Variants in APBB2 observed in about 807,000 individuals in gnomAD.
The protein encoded by APBB2 is amyloid beta precursor protein binding family B member 2.
Under a neutral mutation model 82.5 loss-of-function variants are expected in APBB2, and 38 were observed. The ratio of observed to expected loss-of-function variants is 0.46; its 90% CI spans 0.36 to 0.60. The LOEUF is 0.60. Ranked by LOEUF, APBB2 falls within the 20% of genes least tolerant of loss-of-function variation. The pLI is 0.00. For missense variants in APBB2, 772 were observed against 972.3 expected (o/e 0.79, Z 2.74); for synonymous variants, 341 against 368.2 (o/e 0.93, Z 0.85).
intron 17 of APBB2, among the ~76,000 whole-genome samples, chr4:40,820,509 TA>T (rs1747476907): frequency 1.3e-5 from 2 of 151,712 alleles, no homozygotes; most frequent in South Asian, 4.2e-4. Context: ...ACTAAAAATA[TA>T]AAAAATTAGC....
chr4:41,111,077 C>G (rs957431302), intron 2 of APBB2, among the ~76,000 whole-genome samples: 2 of 152,194 alleles, frequency 1.3e-5, no homozygotes, highest in Non-Finnish European at 1.5e-5. Context: ...CTAGATCCCT[C>G]GCATGCACAA....
At chr4:40,825,786 C>T (rs1040839735) in intron 15 of APBB2, 101 bp downstream of exon 15, 66 of 843,526 alleles carry the variant, frequency 7.8e-5, no homozygotes, top group Middle Eastern at 2.2e-4. Flanking sequence ...CAAGACAAGG[C>T]GTGAGAGTAA....
intron 12 of APBB2, among the ~76,000 whole-genome samples, chr4:40,888,436 T>C (rs1770948809): frequency 1.3e-5 from 2 of 152,254 alleles, no homozygotes; most frequent in Non-Finnish European, 2.9e-5. Context: ...ACGCATGGAA[T>C]GTAACAAGCT....
At chr4:40,841,250 A>G (rs911442727) in intron 12 of APBB2, among the ~76,000 whole-genome samples, 4 of 152,174 alleles carry the variant, frequency 2.6e-5, no homozygotes, top group Non-Finnish European at 5.9e-5. Flanking sequence ...CCAGGCAGGG[A>G]GGTTACATGA....
chr4:41,056,967 T>C (rs931995714), intron 4 of APBB2, among the ~76,000 whole-genome samples: 1 of 152,148 alleles, frequency 6.6e-6, no homozygotes, highest in Non-Finnish European at 1.5e-5. Context: ...ATAACTAATA[T>C]GTAACATAAG....
At chr4:41,083,686 CAAAAAAAAAAAAAA>C (rs3058169) in intron 3 of APBB2, among the ~76,000 whole-genome samples, 2 of 68,050 alleles carry the variant, frequency 2.9e-5, no homozygotes, top group African/African-American at 5.7e-5. Context: ...GACTCTGTCT[CAAAAAAAAAAAAAA>C]AAAAAAAAAA....
At chr4:41,129,055 T>C (rs145458462) in intron 2 of APBB2, among the ~76,000 whole-genome samples, 39 of 152,186 alleles carry the variant, frequency 2.6e-4, no homozygotes, top group Non-Finnish European at 5.0e-4. Flanking sequence ...CCTACCCCAG[T>C]GTCCCTCCTC....
intron 1 of APBB2, among the ~76,000 whole-genome samples, chr4:41,147,478 C>A (rs1471151816): frequency 1.4e-5 from 2 of 141,614 alleles, no homozygotes. Flanking sequence ...AATGTTTGGC[C>A]AGCTTTTTTT....
At position 41,014,088 on chromosome 4, in the gene APBB2, A is replaced by G; in HGVS notation, c.330T>C (p.Ala110=). 8 of 1,614,196 alleles carry G rather than the reference A, an allele frequency of 5.0e-6. No homozygotes were observed. The highest frequency in any genetic ancestry group is 6.8e-6 in the Non-Finnish European group (8 of 1,180,024). The change falls in exon 6 of 18, where the codon GCT becomes GCC. Residue 110 remains alanine, a synonymous_variant. Coordinates refer to ENST00000508593, the MANE Select transcript of APBB2 (RefSeq NM_004307.2). The stretch of plus-strand genomic sequence containing the variant: ...TGGGGTCCTGCTGCCCTTGCTCTGC[A>G]GCCTTACGGAGCTGGTTCTCCCCAT... The part of the protein sequence containing the change: ...VKNGENQLRK[A]AEQGQQDPNK...
intron 10 of APBB2, among the ~76,000 whole-genome samples, chr4:40,928,413 C>T (rs979053719): frequency 1.4e-5 from 1 of 70,124 alleles, no homozygotes; most frequent in African/African-American, 5.9e-5. Context: ...CACACACACA[C>T]ACACACACAC....
chr4:40,899,839 C>T (rs1370764848), intron 10 of APBB2, among the ~76,000 whole-genome samples: 1 of 152,064 alleles, frequency 6.6e-6, no homozygotes, highest in Non-Finnish European at 1.5e-5. Context: ...CCAGGTGGGG[C>T]AGGGGATGCA....
chr4:41,049,079 C>T (rs1724613176), intron 4 of APBB2, among the ~76,000 whole-genome samples: 3 of 151,822 alleles, frequency 2.0e-5, no homozygotes, highest in Admixed American at 6.6e-5. Flanking sequence ...TCTGCCCGGC[C>T]GCCACCCCGT....
chr4:41,053,246 G>T (rs1284054879), intron 4 of APBB2, among the ~76,000 whole-genome samples: 5 of 151,882 alleles, frequency 3.3e-5, no homozygotes, highest in Non-Finnish European at 5.9e-5. Context: ...ATGACTTCTA[G>T]TTTTTTTCCC....
At chr4:40,856,020 G>C (rs1761082235) in intron 12 of APBB2, among the ~76,000 whole-genome samples, 1 of 152,212 alleles carries the variant, frequency 6.6e-6, no homozygotes, top group African/African-American at 2.4e-5. Context: ...GAACTTTAGA[G>C]AGAATCTTAC....
chr4:40,828,545 C>T (rs1213942622), intron 13 of APBB2, among the ~76,000 whole-genome samples: 1 of 152,186 alleles, frequency 6.6e-6, no homozygotes, highest in Admixed American at 6.5e-5. Flanking sequence ...GTTCTGAGGG[C>T]TTTATGCCAG....
At chr4:40,957,628 G>A (rs1468223627) in intron 6 of APBB2, among the ~76,000 whole-genome samples, 6 of 150,402 alleles carry the variant, frequency 4.0e-5, no homozygotes, top group South Asian at 2.1e-4. Context: ...TTGTTGCCCC[G>A]GCTGGAGTGC....
At chr4:40,885,388 G>C (rs1180701368) in intron 12 of APBB2, among the ~76,000 whole-genome samples, 1 of 152,232 alleles carries the variant, frequency 6.6e-6, no homozygotes, top group African/African-American at 2.4e-5. Context: ...CTTAGGTAAT[G>C]TCCAGGAAGA....
chr4:40,810,200 GAA>G lies in APBB2; in HGVS notation c.*5890_*5891del, dbSNP rs1191018447. 3 of 152,162 alleles carry G rather than the reference GAA, an allele frequency of 2.0e-5. No individual in the cohort carries two copies. Among genetic ancestry groups the G allele is most frequent in the African/African-American group, 7.2e-5 (3 of 41,430 alleles). 9.4% of individuals were successfully genotyped at this position (152,162 alleles called of 1,614,324 possible). A position where few individuals can be genotyped will look rare whatever the true frequency, so the allele number is the denominator to read the frequency against. On this transcript the variant is annotated 3_prime_UTR_variant, in exon 18 of 18. Transcript: ENST00000508593. ...ATTTTTACTTTCTTACTTGAAGTGA[GAA>G]AAGAGAATGGTGAATTGTATTATAG...
At chr4:41,152,814 G>A (rs1304578413) in intron 1 of APBB2, among the ~76,000 whole-genome samples, 1 of 152,194 alleles carries the variant, frequency 6.6e-6, no homozygotes, top group Non-Finnish European at 1.5e-5. Context: ...TATCTTCCTA[G>A]AGCCACTTTA....
Sources: gnomAD v4.1 joint callset for allele counts (sites outside exome capture counted in the v4.1 genomes callset) on GRCh38, gnomAD v4.1.1 for gene constraint, MANE v1.5 for transcripts, NCBI Gene and HGNC (gene_info 2026-07-23, HGNC 2026-07-21) for gene names.